Variants in NBEA observed in about 807,000 individuals in gnomAD.
NBEA encodes the protein lysosomal-trafficking regulator 2.
NBEA carries 44 observed loss-of-function variants against 343.4 expected under a neutral mutation model. The ratio of observed to expected loss-of-function variants is 0.13; its 90% CI spans 0.10 to 0.16. NBEA has a LOEUF of 0.16. NBEA is among the 10% of genes least tolerant of loss of function. The pLI, the probability that NBEA is intolerant of heterozygous loss-of-function variation, is 1.00. For synonymous variants in NBEA, 1,175 were observed against 1,238.7 expected (o/e 0.95, Z 1.08); for missense variants, 2,555 against 3,631.3 (o/e 0.70, Z 7.62).
intron 36 of NBEA, 55 bp downstream of exon 36, chr13:35,309,647 G>T: frequency 1.0e-6 from 1 of 981,842 alleles, no homozygotes; most frequent in South Asian, 1.7e-5. Context: ...ATTCCACTGG[G>T]CAATTGCTCT....
intron 34 of NBEA, among the ~76,000 whole-genome samples, chr13:35,247,692 T>G (rs1344146063): frequency 6.6e-6 from 1 of 152,110 alleles, no homozygotes; most frequent in East Asian, 1.9e-4. Flanking sequence ...GTGGATTCTC[T>G]CGGCTTTCTT....
At chr13:35,243,709 T>C (rs1376574728) in intron 34 of NBEA, among the ~76,000 whole-genome samples, 8 of 151,838 alleles carry the variant, frequency 5.3e-5, no homozygotes, top group Non-Finnish European at 8.8e-5. Context: ...ATGTAACAAC[T>C]ATAAATTTAT....
chr13:35,035,502 C>A lies in NBEA; in HGVS notation c.295-5431C>A, dbSNP rs576187887. 3.3e-5 allele frequency among the ~76,000 whole-genome samples: 5 copies of A among 151,934 alleles called. No homozygotes were observed. In the South Asian group the frequency reaches 1.0e-3, roughly 31 times the overall value. ...GTATTCTGCAGCTCCTGGATGAAATCTTCTGTAAATATCTATTAGCTCAAT... is the reference window on the plus strand; with the variant it reads ...GTATTCTGCAGCTCCTGGATGAAATATTCTGTAAATATCTATTAGCTCAAT... On this transcript the variant is annotated intron_variant, in intron 1 of 58. Transcript: ENST00000379939.
intron 17 of NBEA, among the ~76,000 whole-genome samples, chr13:35,124,102 G>A (rs1452530788): frequency 1.3e-5 from 2 of 151,976 alleles, no homozygotes; most frequent in Admixed American, 1.3e-4. Flanking sequence ...AGAAACTGCT[G>A]CTGGCTTAAT....
rs542200953 is a variant in NBEA at position 35,446,841 on chromosome 13, CTT to C, written c.6305-5248_6305-5247del. ...TATATAAATATACCTATATATATAACTTTTCAATAAATGAAAACCCCATTGTT... is the reference window on the plus strand; with the variant it reads ...TATATAAATATACCTATATATATAACTTCAATAAATGAAAACCCCATTGTT... On this transcript the variant is annotated intron_variant, in intron 39 of 58. Coordinates refer to ENST00000379939, the MANE Select transcript of NBEA (RefSeq NM_001385012.1). Among the ~76,000 whole-genome samples, 363 of 151,920 alleles carry C rather than the reference CTT, an allele frequency of 2.4e-3. 2 individuals carry two copies. Among genetic ancestry groups the C allele is most frequent in the African/African-American group, 8.5e-3 (351 of 41,474 alleles).
chr13:35,268,975 A>T (rs1430893280), intron 34 of NBEA, among the ~76,000 whole-genome samples: 1 of 152,132 alleles, frequency 6.6e-6, no homozygotes, highest in Admixed American at 6.6e-5. Context: ...ACAAAAGCTG[A>T]GGAAATTTAT....
At position 35,443,092 on chromosome 13, in the gene NBEA, A is replaced by T. The variant is rs570290293; in HGVS notation, c.6305-9000A>T. Among the ~76,000 whole-genome samples the T allele has an allele frequency of 9.2e-5, 14 of 152,192 alleles. No homozygotes were observed. In the East Asian group the frequency reaches 1.9e-3, roughly 21 times the overall value. On this transcript the variant is annotated intron_variant, in intron 39 of 58. Coordinates refer to ENST00000379939, the MANE Select transcript of NBEA (RefSeq NM_001385012.1). ...TACAAGCATAACTAATCTGAATAAA[A>T]ATTTAACACTTGGAATAATTTCCAT...
At chr13:35,466,898 T>C (rs1750398601) in intron 40 of NBEA, among the ~76,000 whole-genome samples, 1 of 152,192 alleles carries the variant, frequency 6.6e-6, no homozygotes, top group Non-Finnish European at 1.5e-5. Flanking sequence ...TTTTTTTTAT[T>C]TCCTTAAGAT....
At chr13:35,538,500 G>A (rs184676993) in intron 41 of NBEA, among the ~76,000 whole-genome samples, 140 of 152,224 alleles carry the variant, frequency 9.2e-4, no homozygotes, top group Non-Finnish European at 3.7e-4. Flanking sequence ...AAGACACACT[G>A]TTAACACCGT....
At chr13:35,393,782 CTA>C (rs1297540424) in intron 38 of NBEA, among the ~76,000 whole-genome samples, 1 of 152,072 alleles carries the variant, frequency 6.6e-6, no homozygotes, top group East Asian at 1.9e-4. Flanking sequence ...AATACATTGT[CTA>C]TCTTTGCTGT....
At chr13:35,266,419 C>T (rs1047679966) in intron 34 of NBEA, among the ~76,000 whole-genome samples, 9 of 151,550 alleles carry the variant, frequency 5.9e-5, no homozygotes, top group Non-Finnish European at 1.3e-4. Context: ...TCACAGTAGC[C>T]GAGATGTGTA....
intron 18 of NBEA, among the ~76,000 whole-genome samples, chr13:35,154,104 CG>C (rs2068984724): frequency 6.6e-6 from 1 of 151,906 alleles, no homozygotes; most frequent in African/African-American, 2.4e-5. Context: ...ATGAGGGGAA[CG>C]GGGGTAATTA....
At chr13:35,524,287 C>G (rs981792954) in intron 41 of NBEA, among the ~76,000 whole-genome samples, 2 of 152,188 alleles carry the variant, frequency 1.3e-5, no homozygotes, top group Non-Finnish European at 2.9e-5. Context: ...TTTCAAAACA[C>G]CAAGTCAAAT....
intron 41 of NBEA, among the ~76,000 whole-genome samples, chr13:35,509,615 C>A (rs2077199383): frequency 6.6e-6 from 1 of 152,214 alleles, no homozygotes; most frequent in South Asian, 2.1e-4. Flanking sequence ...ACCTAGGCAG[C>A]AACCTTTGCT....
chr13:35,233,085 C>CTCCT (rs2075060296), intron 34 of NBEA, among the ~76,000 whole-genome samples: 1 of 152,062 alleles, frequency 6.6e-6, no homozygotes, highest in Non-Finnish European at 1.5e-5. Flanking sequence ...AACCCATTGT[C>CTCCT]TCCTCAACAG....
rs1409326074 is a variant in NBEA, at chr13:35,645,923, T to C, written c.7672T>C (p.Phe2558Leu). The C allele has an allele frequency of 6.4e-7, 1 of 1,560,070 alleles. No homozygotes were observed. Among genetic ancestry groups the C allele is most frequent in the East Asian group, 2.3e-5 (1 of 43,972 alleles). Residue 2558 changes from phenylalanine to leucine, a missense_variant, in exon 50 of 59, where the codon TTT becomes CTT. Around this residue, in one of 21 missense-constraint regions of NBEA, gnomAD observed 87 missense variants for 75.0 expected, o/e 1.16. Transcript: ENST00000379939. ...CCACACTTTCCTTCTTACAAAGGAC[T>C]TTATTAAGGTATATGTTCTGTATTT... is the stretch of plus-strand genomic sequence containing the variant. ...DPHTFLLTKD[F>L]IKAMEAQIQN...
chr13:35,464,265 T>C (rs2047057572), intron 40 of NBEA, among the ~76,000 whole-genome samples: 1 of 152,216 alleles, frequency 6.6e-6, no homozygotes, highest in Admixed American at 6.5e-5. Flanking sequence ...AGTATATGTA[T>C]GATTTTTCCG....
chr13:35,145,492 A>G (rs1191222005), intron 18 of NBEA, among the ~76,000 whole-genome samples: 1 of 152,192 alleles, frequency 6.6e-6, no homozygotes, highest in Non-Finnish European at 1.5e-5. Context: ...GGGTCTGCAT[A>G]CAAGGATGTC....
intron 27 of NBEA, 123 bp downstream of exon 27, chr13:35,173,717 G>GC (rs1196901914): frequency 2.6e-6 from 2 of 766,962 alleles, no homozygotes; most frequent in East Asian, 6.6e-5. Flanking sequence ...TCATTAGGCA[G>GC]CTCTAGGCTG....
Sources: allele counts gnomAD v4.1 joint callset (sites outside exome capture counted in the v4.1 genomes callset), GRCh38; gene constraint gnomAD v4.1.1; regional missense constraint gnomAD v4.1.1; transcripts MANE v1.5; gene names NCBI Gene and HGNC (gene_info 2026-07-23, HGNC 2026-07-21).